KSR1: variants seen among roughly 807,000 people sequenced by gnomAD.
The protein encoded by KSR1 is kinase suppressor of ras.
Under a neutral mutation model 92.9 loss-of-function variants are expected in KSR1, and 35 were observed. The ratio of observed to expected loss-of-function variants is 0.38; its 90% CI spans 0.29 to 0.50. KSR1 has a LOEUF of 0.50. Among genes scored for constraint, KSR1 ranks in the 20% least tolerant of loss-of-function variants. The pLI is 0.94. For missense variants in KSR1, 972 were observed against 1,158.5 expected, an observed-to-expected ratio of 0.84 and a Z score of 2.34; for synonymous variants, 467 against 472.6, an observed-to-expected ratio of 0.99 and a Z score of 0.15.
At chr17:27,585,778 C>A in intron 5 of KSR1, 117 bp downstream of exon 5, 1 of 714,886 alleles carries the variant, frequency 1.4e-6, no homozygotes. Flanking sequence ...TCTCCATAGT[C>A]CAGAAGCAGA....
intron 1 of KSR1, among the ~76,000 whole-genome samples, chr17:27,470,213 G>A (rs974521976): frequency 2.7e-5 from 4 of 150,376 alleles, no homozygotes; most frequent in Non-Finnish European, 5.9e-5. Context: ...ACACCACCAT[G>A]CCCAGCTAAG....
intron 1 of KSR1, among the ~76,000 whole-genome samples, chr17:27,508,445 T>A (rs1246351438): frequency 1.3e-5 from 2 of 152,164 alleles, no homozygotes; most frequent in Non-Finnish European, 2.9e-5. Context: ...GCCTAAGTTG[T>A]AACATACTAG....
At chr17:27,592,213 T>C (rs1338617363) in intron 7 of KSR1, 148 bp from the exon 8 acceptor site, 4 of 672,604 alleles carry the variant, frequency 5.9e-6, no homozygotes, top group African/African-American at 5.4e-5. Flanking sequence ...ACTATTAATA[T>C]CATGATGTTC....
intron 2 of KSR1, among the ~76,000 whole-genome samples, chr17:27,565,936 T>C (rs978589636): frequency 1.3e-5 from 2 of 152,252 alleles, no homozygotes; most frequent in Non-Finnish European, 2.9e-5. Context: ...TCTAGGAGTT[T>C]TGACAGCTGA....
At chr17:27,592,214 C>A in intron 7 of KSR1, 147 bp from the exon 8 acceptor site, 2 of 674,736 alleles carry the variant, frequency 3.0e-6, no homozygotes, top group South Asian at 1.8e-5. Context: ...CTATTAATAT[C>A]ATGATGTTCT....
chr17:27,597,846 A>C (rs1269944549), intron 10 of KSR1, among the ~76,000 whole-genome samples: 1 of 152,160 alleles, frequency 6.6e-6, no homozygotes, highest in Non-Finnish European at 1.5e-5. Context: ...CAGGGAGGGA[A>C]TCTGGGGTCC....
At chr17:27,582,359 C>T (rs569593128) in intron 3 of KSR1, among the ~76,000 whole-genome samples, 8 of 152,238 alleles carry the variant, frequency 5.3e-5, no homozygotes, top group Admixed American at 3.9e-4. Flanking sequence ...AGTGTCATGT[C>T]GGTGCTCAGA....
At chr17:27,587,435 G>A (rs545410983) in intron 5 of KSR1, 2 of 152,332 alleles carry the variant, frequency 1.3e-5, no homozygotes, top group East Asian at 1.9e-4. Context: ...TGGGATTGAG[G>A]GGGGCAGTGG....
In KSR1 at chr17:27,456,508, C is replaced by G. The variant is rs943135539; in HGVS notation, c.-136C>G. 2.5e-6 allele frequency: 1 copy of G among 400,178 alleles called. No individual in the cohort carries two copies. The highest frequency in any genetic ancestry group is 3.9e-5 in the East Asian group (1 of 25,934). 24.8% of individuals were successfully genotyped at this position (400,178 alleles called of 1,614,324 possible). A position where few individuals can be genotyped will look rare whatever the true frequency, so the allele number is the denominator to read the frequency against. On this transcript the variant is annotated 5_prime_UTR_variant, in exon 1 of 21. Transcript: ENST00000644974. ...AGGGTGGAAGCGGCAGACTCAGCGGCCGGCTCTACCGGCGTCCCGGCTCGG... is the reference window on the plus strand; with the variant it reads ...AGGGTGGAAGCGGCAGACTCAGCGGGCGGCTCTACCGGCGTCCCGGCTCGG...
intron 1 of KSR1, among the ~76,000 whole-genome samples, chr17:27,515,607 C>T (rs1245421902): frequency 9.8e-5 from 14 of 142,374 alleles, no homozygotes; most frequent in African/African-American, 1.8e-4. Context: ...GGGTCTGCTT[C>T]GTAGTTTTTT....
chr17:27,577,309 G>A lies in KSR1; in HGVS notation c.373-183G>A. On this transcript the variant is annotated intron_variant, in intron 2 of 20. Transcript: ENST00000644974. The surrounding 1 kb of genome is among the most constrained non-coding windows in gnomAD (Gnocchi z 4.5). ...AGTCTGCTTCAGCTGCTGTCTCTGGGAGCCTGGAGGGTGGGGGCCAGGGAG... is the reference window on the plus strand; with the variant it reads ...AGTCTGCTTCAGCTGCTGTCTCTGGAAGCCTGGAGGGTGGGGGCCAGGGAG... 1 of 563,986 alleles carries A rather than the reference G, an allele frequency of 1.8e-6. No individual in the cohort carries two copies. The highest frequency in any genetic ancestry group is 3.1e-6 in the Non-Finnish European group (1 of 320,916). The allele number at this position is 563,986 out of a possible 1,614,324, so 34.9% of individuals were successfully genotyped here. A position where few individuals can be genotyped will look rare whatever the true frequency, so the allele number is the denominator to read the frequency against.
intron 1 of KSR1, among the ~76,000 whole-genome samples, chr17:27,542,188 G>C (rs1007203836): frequency 2.0e-5 from 3 of 152,180 alleles, no homozygotes; most frequent in Non-Finnish European, 4.4e-5. Flanking sequence ...GACAATCCAG[G>C]TAGAGGAAGT....
chr17:27,614,788 G>T (rs1170101694), intron 18 of KSR1, among the ~76,000 whole-genome samples: 1 of 152,208 alleles, frequency 6.6e-6, no homozygotes, highest in Non-Finnish European at 1.5e-5. Context: ...TGGGGAGTGG[G>T]GAGAGAGCAG....
intron 1 of KSR1, among the ~76,000 whole-genome samples, chr17:27,522,853 G>C (rs2070098120): frequency 6.6e-6 from 1 of 152,214 alleles, no homozygotes. Flanking sequence ...CTGTCCTCAG[G>C]CAGCAGCCAG....
At chr17:27,547,611 T>G (rs181245383) in intron 1 of KSR1, among the ~76,000 whole-genome samples, 251 of 152,320 alleles carry the variant, frequency 1.6e-3, no homozygotes, top group African/African-American at 5.6e-3. Flanking sequence ...TCACAGGTTT[T>G]TTTTGTTTTG....
intron 1 of KSR1, among the ~76,000 whole-genome samples, chr17:27,478,657 C>G (rs1015824600): frequency 1.3e-5 from 2 of 152,054 alleles, no homozygotes; most frequent in African/African-American, 2.4e-5. Flanking sequence ...CACCGACCTC[C>G]TTGCCCTTCC....
intron 3 of KSR1, chr17:27,578,194 T>C (rs937451792): frequency 5.9e-6 from 1 of 169,966 alleles, no homozygotes; most frequent in Non-Finnish European, 1.3e-5. Flanking sequence ...GGAAACAGCT[T>C]CAAATGCCTG....
At chr17:27,480,274 TC>T (rs768764749) in intron 1 of KSR1, among the ~76,000 whole-genome samples, 4 of 152,118 alleles carry the variant, frequency 2.6e-5, no homozygotes, top group Non-Finnish European at 4.4e-5. Context: ...CCCTCCTGCC[TC>T]CCCCACCTAA....
At chr17:27,597,092 G>A (rs2073367673) in intron 9 of KSR1, among the ~76,000 whole-genome samples, 176 bp from the exon 10 acceptor site, 1 of 152,226 alleles carries the variant, frequency 6.6e-6, no homozygotes, top group African/African-American at 2.4e-5. Flanking sequence ...AGTGAGCACT[G>A]AGGCGAGGGC....
Sources: allele counts gnomAD v4.1 joint callset (sites outside exome capture counted in the v4.1 genomes callset), GRCh38; gene constraint gnomAD v4.1.1; non-coding constraint Gnocchi (gnomAD v3.1); transcripts MANE v1.5; gene names NCBI Gene and HGNC (gene_info 2026-07-23, HGNC 2026-07-21).